Variants in IRAG1 observed in about 807,000 individuals in gnomAD.
The protein encoded by IRAG1 is inositol 1,4,5-triphosphate receptor associated 1, also known as IP3R-associated cGMP kinase substrate.
Under a neutral mutation model 106.2 loss-of-function variants are expected in IRAG1, and 62 were observed. The ratio of observed to expected loss-of-function variants is 0.58; its 90% CI spans 0.48 to 0.72. The LOEUF is 0.72. Ranked by LOEUF, IRAG1 falls within the 30% of genes least tolerant of loss-of-function variation. IRAG1 has a pLI of 0.00. For synonymous variants in IRAG1, 462 were observed against 443.9 expected (o/e 1.04, Z -0.51); for missense variants, 1,064 against 1,140.7 (o/e 0.93, Z 0.97).
intron 1 of IRAG1, among the ~76,000 whole-genome samples, chr11:10,674,891 T>C (rs1011538046): frequency 5.3e-5 from 8 of 152,202 alleles, no homozygotes; most frequent in African/African-American, 9.7e-5. Flanking sequence ...CTACACAATA[T>C]TCCTGAAATA....
chr11:10,638,656 A>C (rs2134728604), intron 2 of IRAG1, among the ~76,000 whole-genome samples: 1 of 152,284 alleles, frequency 6.6e-6, no homozygotes, highest in Non-Finnish European at 1.5e-5. Context: ...GAAGAAATGC[A>C]TTTTGTCTAA....
rs769734001 is a variant in IRAG1, at chr11:10,594,160, G to C, written c.2053C>G (p.Leu685Val). 19 of 1,609,632 alleles carry C rather than the reference G, an allele frequency of 1.2e-5. No homozygotes were observed. The highest frequency in any genetic ancestry group is 5.3e-5 in the African/African-American group (4 of 74,888). Residue 685 changes from leucine to valine, a missense_variant, in exon 16 of 21, where the codon CTC (leucine) becomes GTC (valine). Coordinates refer to ENST00000423302, the MANE Select transcript of IRAG1 (RefSeq NM_130385.4). ...AACATGCATACCTTTCCCAGCGTGA[G>C]GGACATGGACCGTGCCGTGCGAGGG... Reference protein sequence around the residue: ...GVPRTARSMSLTLGKNMPRRR... With the variant: ...GVPRTARSMSVTLGKNMPRRR...
At chr11:10,669,247 G>C (rs1322624544) in intron 1 of IRAG1, among the ~76,000 whole-genome samples, 1 of 152,190 alleles carries the variant, frequency 6.6e-6, no homozygotes, top group Non-Finnish European at 1.5e-5. Flanking sequence ...GGATTTCCAA[G>C]CAGTGAGACC....
intron 2 of IRAG1, among the ~76,000 whole-genome samples, chr11:10,649,246 C>T (rs1858249827): frequency 1.3e-5 from 2 of 152,300 alleles, no homozygotes; most frequent in South Asian, 2.1e-4. Context: ...GCCTGGTTGC[C>T]TTCTGAAAAG....
At chr11:10,589,955 G>A (rs1223367445) in intron 18 of IRAG1, among the ~76,000 whole-genome samples, 2 of 152,132 alleles carry the variant, frequency 1.3e-5, no homozygotes, top group African/African-American at 2.4e-5. Context: ...GTTCTACAGA[G>A]TTCAGGCCCT....
intron 15 of IRAG1, among the ~76,000 whole-genome samples, chr11:10,594,777 G>A (rs1449627788): frequency 1.3e-5 from 2 of 152,284 alleles, no homozygotes; most frequent in Middle Eastern, 3.4e-3. Context: ...GGAAACACCT[G>A]AGTATGTGCA....
chr11:10,626,219 G>C lies in IRAG1; in HGVS notation c.1115C>G (p.Pro372Arg). 6.3e-7 allele frequency: 1 copy of C among 1,593,106 alleles called. No individual in the cohort carries two copies. Among genetic ancestry groups the C allele is most frequent in the Non-Finnish European group, 8.6e-7 (1 of 1,167,796 alleles). Reference protein sequence around the residue: ...GRGPAGEPMGPEAGSKAELPP... With the variant: ...GRGPAGEPMGREAGSKAELPP... ...AAGCTCAGCTTTGGAGCCAGCCTCGGGCCCCATCGGCTCTCCAGCTGGGCC... is the reference window on the plus strand; with the variant it reads ...AAGCTCAGCTTTGGAGCCAGCCTCGCGCCCCATCGGCTCTCCAGCTGGGCC... Residue 372 changes from proline to arginine, a missense_variant, in exon 9 of 21, where the codon CCC (proline) becomes CGC (arginine). Transcript: ENST00000423302.
rs192298907 is a variant in IRAG1, at chr11:10,614,734, C to G, written c.1448-4883G>C. Among the ~76,000 whole-genome samples the G allele has an allele frequency of 4.6e-5, 7 of 152,288 alleles. No individual in the cohort carries two copies. In the East Asian group the frequency reaches 1.3e-3, roughly 29 times the overall value. On this transcript the variant is annotated intron_variant, in intron 10 of 20. Coordinates refer to ENST00000423302, the MANE Select transcript of IRAG1 (RefSeq NM_130385.4). ...AAATGGTGCTGGGAAAACTGGCTAG[C>G]CATATGTAGAAAGCTGAAACTGGAT...
Position 10,659,648 on chromosome 11 carries a change from C to T in IRAG1, c.68-7466G>A, listed in dbSNP as rs1859239790. Among the ~76,000 whole-genome samples, 1 of 152,182 alleles carries T rather than the reference C, an allele frequency of 6.6e-6. No individual in the cohort carries two copies. Among genetic ancestry groups the T allele is most frequent in the Non-Finnish European group, 1.5e-5 (1 of 68,024 alleles). ...AGCCAGCACCTGCTCAGACCAATGA[C>T]AGGAAATAAGCCTAAACATCTCCCC... On this transcript the variant is annotated intron_variant, in intron 1 of 20. Transcript: ENST00000423302. The surrounding 1 kb of genome is among the most constrained non-coding windows in gnomAD (Gnocchi z 4.1).
At chr11:10,625,096 T>C (rs889149793) in intron 9 of IRAG1, among the ~76,000 whole-genome samples, 2 of 152,282 alleles carry the variant, frequency 1.3e-5, no homozygotes, top group African/African-American at 4.8e-5. Context: ...CTGAATAGGA[T>C]AGTGGCCAGC....
At chr11:10,632,135 ATTCT>A in intron 3 of IRAG1, 74 bp from the exon 4 acceptor site, 1 of 943,820 alleles carries the variant, frequency 1.1e-6, no homozygotes. Flanking sequence ...ATGCCTGTAT[ATTCT>A]TTTTCTTTTT....
intron 18 of IRAG1, among the ~76,000 whole-genome samples, chr11:10,583,118 T>A (rs35487464): frequency 0.091 from 13,909 of 152,258 alleles, 695 homozygotes; most frequent in Middle Eastern, 0.14. Context: ...CAAAGGGAGA[T>A]GTCAAGTAGA....
At chr11:10,586,280 T>G (rs1260644409) in intron 18 of IRAG1, among the ~76,000 whole-genome samples, 1 of 152,164 alleles carries the variant, frequency 6.6e-6, no homozygotes, top group African/African-American at 2.4e-5. Flanking sequence ...GCTTGTAGTT[T>G]CCTAAATATC....
At chr11:10,668,790 T>G (rs1338821207) in intron 1 of IRAG1, among the ~76,000 whole-genome samples, 2 of 152,266 alleles carry the variant, frequency 1.3e-5, no homozygotes, top group African/African-American at 4.8e-5. Context: ...GGTATATAAT[T>G]AGGGCTTGGT....
chr11:10,644,273 A>G (rs1330569335), intron 2 of IRAG1, among the ~76,000 whole-genome samples: 1 of 152,238 alleles, frequency 6.6e-6, no homozygotes, highest in African/African-American at 2.4e-5. Context: ...TTCTTCATCT[A>G]AAAAATAGAG....
chr11:10,583,006 C>T lies in IRAG1; in HGVS notation c.2241-1020G>A, dbSNP rs148782384. Among the ~76,000 whole-genome samples the T allele has an allele frequency of 5.9e-5, 9 of 152,290 alleles. No homozygotes were observed. In the East Asian group the frequency reaches 1.7e-3, roughly 29 times the overall value. On this transcript the variant is annotated intron_variant, in intron 18 of 20. Transcript: ENST00000423302. ...AGAGAATGCGGGTTATGTAAAGACT[C>T]TGAGACACAAAAGGTGCTGAGTTGT...
At chr11:10,608,541 A>T (rs1386983212) in intron 11 of IRAG1, among the ~76,000 whole-genome samples, 1 of 152,188 alleles carries the variant, frequency 6.6e-6, no homozygotes. Flanking sequence ...TGTCTGATGC[A>T]GATAACTGTG....
chr11:10,580,456 T>C lies in IRAG1; in HGVS notation c.2494A>G (p.Ser832Gly), dbSNP rs751870242. ...GGACTCCAAACACAGGCTTCCCACC[T>C]GCTTCTTGGGCCCTTTTCCTCTTCC... ...TEEEEKGPRS[S>G]KLEELVHFLQ... Residue 832 changes from serine to glycine, a missense_variant and splice_region_variant, in exon 20 of 21, where the codon AGC becomes GGC. Physicochemically the swap from Ser to Gly is moderately conservative, Grantham distance 56. Coordinates refer to ENST00000423302, the MANE Select transcript of IRAG1 (RefSeq NM_130385.4). 1.2e-6 allele frequency: 2 copies of C among 1,611,502 alleles called. No homozygotes were observed. The highest frequency in any genetic ancestry group is 1.7e-6 in the Non-Finnish European group (2 of 1,179,170).
intron 1 of IRAG1, among the ~76,000 whole-genome samples, chr11:10,662,506 A>G (rs1191330985): frequency 6.6e-6 from 1 of 152,244 alleles, no homozygotes; most frequent in Non-Finnish European, 1.5e-5. Context: ...AGTAATTTGC[A>G]AAGTGAATTT....
Sources: allele counts gnomAD v4.1 joint callset (sites outside exome capture counted in the v4.1 genomes callset), GRCh38; gene constraint gnomAD v4.1.1; non-coding constraint Gnocchi (gnomAD v3.1); transcripts MANE v1.5; gene names NCBI Gene and HGNC (gene_info 2026-07-23, HGNC 2026-07-21).